The following PCDHGB4 variants were observed in gnomAD, a reference collection of about 807,000 sequenced individuals.
The protein encoded by PCDHGB4 is protocadherin gamma-B4.
Under a neutral mutation model 60.5 loss-of-function variants are expected in PCDHGB4, and 38 were observed. That is an observed-to-expected ratio of 0.63 (90% CI 0.48 to 0.82). The LOEUF (loss-of-function observed/expected upper bound fraction) is 0.82, where lower values mean the gene tolerates loss of function less well. PCDHGB4 is among the 40% of genes least tolerant of loss of function. The pLI is 0.00. For synonymous variants in PCDHGB4, 456 were observed against 509.7 expected, an observed-to-expected ratio of 0.89 and a Z score of 1.42; for missense variants, 1,109 against 1,209.6, an observed-to-expected ratio of 0.92 and a Z score of 1.23.
intron 1 of PCDHGB4, chr5:141,410,140 G>C: frequency 6.2e-7 from 1 of 1,612,782 alleles, no homozygotes; most frequent in Non-Finnish European, 8.5e-7. Context: ...TGGTCGCTGT[G>C]CGTGACGGTG....
intron 1 of PCDHGB4, chr5:141,427,254 G>A (rs1013561568): frequency 1.8e-5 from 8 of 456,644 alleles, no homozygotes; most frequent in Non-Finnish European, 2.6e-5. Flanking sequence ...GGATGGTGGA[G>A]GCATGACCAG....
rs188916402 is a variant in PCDHGB4, at chr5:141,473,975, G to A, written c.2398-20832G>A. 4.6e-5 allele frequency among the ~76,000 whole-genome samples: 7 copies of A among 152,222 alleles called. No homozygotes were observed. The East Asian group carries it at 7.7e-4, about 17-fold the overall frequency. ...TCCCATCTACTTAGAAGTCTGAGGCGGGAGGATCCCTTGAGCCCAAGGAGC... is the reference window on the plus strand; with the variant it reads ...TCCCATCTACTTAGAAGTCTGAGGCAGGAGGATCCCTTGAGCCCAAGGAGC... On this transcript the variant is annotated intron_variant, in intron 1 of 3. Transcript: ENST00000519479.
chr5:141,426,717 G>A (rs974405285), intron 1 of PCDHGB4: 1 of 446,052 alleles, frequency 2.2e-6, no homozygotes, highest in African/African-American at 2.0e-5. Flanking sequence ...CAATGAACTA[G>A]CAATTCCAGG....
intron 3 of PCDHGB4, among the ~76,000 whole-genome samples, chr5:141,506,866 T>C (rs1182560001): frequency 2.6e-5 from 4 of 152,104 alleles, no homozygotes; most frequent in Admixed American, 2.6e-4. Context: ...GACTGGTGGG[T>C]AGAGAACCAG....
chr5:141,399,362 C>T (rs182743080), intron 1 of PCDHGB4: 5 of 1,613,990 alleles, frequency 3.1e-6, no homozygotes, highest in East Asian at 2.2e-5. Context: ...GAGCAAACCC[C>T]GGAGTACAAT....
At chr5:141,423,471 G>A in intron 1 of PCDHGB4, 1 of 1,614,052 alleles carries the variant, frequency 6.2e-7, no homozygotes, top group South Asian at 1.1e-5. Context: ...ACGGGGTACA[G>A]GCTTTCCTGC....
chr5:141,487,968 T>C lies in PCDHGB4; in HGVS notation c.2398-6839T>C, dbSNP rs2099670029. Among the ~76,000 whole-genome samples the C allele has an allele frequency of 6.6e-6, 1 of 152,236 alleles. No individual in the cohort carries two copies. The highest frequency in any genetic ancestry group is 1.5e-5 in the Non-Finnish European group (1 of 68,050). On this transcript the variant is annotated intron_variant, in intron 1 of 3. Transcript: ENST00000519479. This position sits in a 1 kb window ranked among gnomAD's most constrained non-coding sequence, Gnocchi z 5.0. The stretch of plus-strand genomic sequence containing the variant: ...AGGCAGTCACTTGGACAAAGGTGGC[T>C]GTTTTCTCTACTCTTCCTGAAAGAG...
chr5:141,496,923 C>T (rs963522127), intron 2 of PCDHGB4, among the ~76,000 whole-genome samples: 9 of 150,728 alleles, frequency 6.0e-5, no homozygotes, highest in East Asian at 1.9e-4. Context: ...CTGTGGTTCA[C>T]GCCTGTAATC....
chr5:141,423,092 A>T (rs2096708373), intron 1 of PCDHGB4: 5 of 1,613,952 alleles, frequency 3.1e-6, no homozygotes, highest in South Asian at 2.2e-5. Flanking sequence ...GCGGTGGGGG[A>T]GCACACGGGC....
In PCDHGB4 at chr5:141,491,129, C is replaced by T; in HGVS notation, c.2398-3678C>T. On this transcript the variant is annotated intron_variant, in intron 1 of 3. Transcript: ENST00000519479. This position sits in a 1 kb window ranked among gnomAD's most constrained non-coding sequence, Gnocchi z 6.9. Reference sequence around the variant, plus strand: ...TCTACACACACTGGTGAGGTGCGCACAGCCCGGGCCTTACTGGAGGATGAC... The same window carrying T: ...TCTACACACACTGGTGAGGTGCGCATAGCCCGGGCCTTACTGGAGGATGAC... 1.2e-6 allele frequency: 2 copies of T among 1,614,172 alleles called. No individual in the cohort carries two copies. The highest frequency in any genetic ancestry group is 1.7e-6 in the Non-Finnish European group (2 of 1,180,012).
intron 1 of PCDHGB4, among the ~76,000 whole-genome samples, chr5:141,462,192 T>C (rs1323806836): frequency 6.6e-6 from 1 of 152,198 alleles, no homozygotes; most frequent in Non-Finnish European, 1.5e-5. Context: ...ACTCCTGACC[T>C]CAGGTGATCC....
chr5:141,476,083 T>C lies in PCDHGB4; in HGVS notation c.2398-18724T>C. 1 of 1,547,886 alleles carries C rather than the reference T, an allele frequency of 6.5e-7. No homozygotes were observed. The highest frequency in any genetic ancestry group is 8.7e-7 in the Non-Finnish European group (1 of 1,153,242). The stretch of plus-strand genomic sequence containing the variant: ...TCTCAGCGAAATCTCAGGGACGATC[T>C]GGACCCCGCTGAGAGGAACTGCTTT... On this transcript the variant is annotated intron_variant, in intron 1 of 3. Coordinates refer to ENST00000519479, the MANE Select transcript of PCDHGB4 (RefSeq NM_003736.4). This position sits in a 1 kb window ranked among gnomAD's most constrained non-coding sequence, Gnocchi z 7.6.
intron 1 of PCDHGB4, chr5:141,398,074 T>A: frequency 6.3e-7 from 1 of 1,590,802 alleles, no homozygotes; most frequent in Non-Finnish European, 8.6e-7. Context: ...ATACAGAGGT[T>A]ATTTGTAACC....
Position 141,487,562 on chromosome 5 carries a change from G to C in PCDHGB4, c.2398-7245G>C. The stretch of plus-strand genomic sequence containing the variant: ...GAAGTCACCCAGTGCACCTATGGCA[G>C]GGGAGCCTGTTCGCCCAAGCTGCCC... On this transcript the variant is annotated intron_variant, in intron 1 of 3. Coordinates refer to ENST00000519479, the MANE Select transcript of PCDHGB4 (RefSeq NM_003736.4). The surrounding 1 kb of genome is among the most constrained non-coding windows in gnomAD (Gnocchi z 5.0). The C allele has an allele frequency of 6.2e-7, 1 of 1,614,178 alleles. No homozygotes were observed.
Position 141,415,740 on chromosome 5 carries a change from GTTTTTTTTTTTTTTTTTTT to G in PCDHGB4, c.2397+25473_2397+25491del, listed in dbSNP as rs57426385. ...TGAGTAGAATTTGATGTTTATTAAG[GTTTTTTTTTTTTTTTTTTT>G]TTTTTTTTTTTTTACTTTCTGGTAA... is the stretch of plus-strand genomic sequence containing the variant. On this transcript the variant is annotated intron_variant, in intron 1 of 3. Coordinates refer to ENST00000519479, the MANE Select transcript of PCDHGB4 (RefSeq NM_003736.4). The G allele has an allele frequency of 6.7e-5, 42 of 625,046 alleles. No individual in the cohort carries two copies. In the African/African-American group the frequency reaches 7.3e-4, roughly 11 times the overall value. 38.7% of individuals were successfully genotyped at this position (625,046 alleles called of 1,614,324 possible).
intron 1 of PCDHGB4, among the ~76,000 whole-genome samples, chr5:141,472,980 CAAAAA>C (rs60579131): frequency 1.2e-5 from 1 of 86,106 alleles, no homozygotes; most frequent in African/African-American, 3.9e-5. Flanking sequence ...GAGTGAAACT[CAAAAA>C]AAAAAAAAAA....
At chr5:141,413,295 T>C in intron 1 of PCDHGB4, 1 of 1,613,940 alleles carries the variant, frequency 6.2e-7, no homozygotes, top group Middle Eastern at 1.7e-4. Context: ...ACTCAATTCC[T>C]GAGGAATTAG....
chr5:141,475,981 G>A, intron 1 of PCDHGB4: 1 of 1,042,940 alleles, frequency 9.6e-7, no homozygotes, highest in Non-Finnish European at 1.4e-6. Context: ...CTGAACAGCC[G>A]GCGAGCAAAT....
At chr5:141,459,319 T>G (rs1270005431) in intron 1 of PCDHGB4, among the ~76,000 whole-genome samples, 1 of 152,216 alleles carries the variant, frequency 6.6e-6, no homozygotes, top group Non-Finnish European at 1.5e-5. Context: ...TTTGTATCCA[T>G]CTTCTTTTAC....
Sources: gnomAD v4.1 joint callset for allele counts (sites outside exome capture counted in the v4.1 genomes callset) on GRCh38, gnomAD v4.1.1 for gene constraint, Gnocchi (gnomAD v3.1) non-coding constraint, MANE v1.5 for transcripts, NCBI Gene and HGNC (gene_info 2026-07-23, HGNC 2026-07-21) for gene names.